ABI3BP: variants seen among roughly 807,000 people sequenced by gnomAD.
ABI3BP encodes target of Nesh-SH3.
In ABI3BP, 216 loss-of-function variants were observed where a neutral mutation model predicts 268.6. That is an observed-to-expected ratio of 0.80 (90% CI 0.72 to 0.90). The LOEUF (loss-of-function observed/expected upper bound fraction) is 0.90. ABI3BP is among the 40% of genes least tolerant of loss of function. The pLI, the probability that ABI3BP is intolerant of heterozygous loss-of-function variation, is 0.00. For synonymous variants in ABI3BP, 730 were observed against 730.0 expected (o/e 1.00, Z 0.00); for missense variants, 2,090 against 2,182.4 (o/e 0.96, Z 0.84).
intron 63 of ABI3BP, among the ~76,000 whole-genome samples, chr3:100,763,629 C>A (rs1464104321): frequency 1.3e-5 from 2 of 152,104 alleles, no homozygotes; most frequent in Non-Finnish European, 2.9e-5. Flanking sequence ...GAGGGCCATA[C>A]TGTCTTTCAG....
intron 43 of ABI3BP, 167 bp from the exon 44 acceptor site, chr3:100,816,138 G>C (rs187368047): frequency 3.6e-6 from 2 of 553,230 alleles, no homozygotes; most frequent in African/African-American, 3.8e-5. Flanking sequence ...ACACTAGCTA[G>C]AACAATTCAT....
intron 9 of ABI3BP, among the ~76,000 whole-genome samples, chr3:100,872,748 C>T (rs894240166): frequency 6.6e-6 from 1 of 152,112 alleles, no homozygotes; most frequent in Non-Finnish European, 1.5e-5. Context: ...GGCAGCATCA[C>T]ATTTACATGA....
intron 4 of ABI3BP, among the ~76,000 whole-genome samples, chr3:100,896,826 A>G (rs2047938070): frequency 6.6e-6 from 1 of 152,194 alleles, no homozygotes; most frequent in Non-Finnish European, 1.5e-5. Context: ...AAAGTATTTC[A>G]GATTCTTTGA....
intron 46 of ABI3BP, among the ~76,000 whole-genome samples, chr3:100,812,126 T>C (rs1190730986): frequency 6.6e-6 from 1 of 151,732 alleles, no homozygotes; most frequent in East Asian, 1.9e-4. Flanking sequence ...GAAACACACA[T>C]AGAATGAGTA....
intron 57 of ABI3BP, among the ~76,000 whole-genome samples, chr3:100,786,903 T>G (rs1030530994): frequency 6.6e-6 from 1 of 152,130 alleles, no homozygotes; most frequent in South Asian, 2.1e-4. Context: ...AGCACATTCT[T>G]AAAGCTAAAT....
At chr3:100,869,292 T>C (rs1344074468) in intron 9 of ABI3BP, among the ~76,000 whole-genome samples, 1 of 149,868 alleles carries the variant, frequency 6.7e-6, no homozygotes, top group East Asian at 2.0e-4. Flanking sequence ...TATTACTAAC[T>C]CATTTTACAG....
At chr3:100,852,732 C>T (rs758933839) in intron 14 of ABI3BP, among the ~76,000 whole-genome samples, 40 of 152,212 alleles carry the variant, frequency 2.6e-4, no homozygotes, top group African/African-American at 9.2e-4. Flanking sequence ...GAGCCTTTCT[C>T]GAGTTTGGGC....
chr3:100,911,776 T>C, intron 2 of ABI3BP: 5 of 1,098,980 alleles, frequency 4.5e-6, no homozygotes, highest in South Asian at 1.2e-5. Context: ...TCTGTTATTA[T>C]ACTTGGTGTT....
At chr3:100,969,692 T>C (rs952922248) in intron 1 of ABI3BP, among the ~76,000 whole-genome samples, 1 of 151,230 alleles carries the variant, frequency 6.6e-6, no homozygotes, top group African/African-American at 2.5e-5. Flanking sequence ...AAAAATCATG[T>C]TTTTTTGAAA....
At chr3:100,992,268 C>T (rs971124658) in intron 1 of ABI3BP, among the ~76,000 whole-genome samples, 3 of 152,140 alleles carry the variant, frequency 2.0e-5, no homozygotes, top group South Asian at 2.1e-4. Context: ...CTTTACCCAC[C>T]GAGGAAAGAA....
At chr3:100,894,867 A>T (rs2046522857) in intron 4 of ABI3BP, among the ~76,000 whole-genome samples, 1 of 141,452 alleles carries the variant, frequency 7.1e-6, no homozygotes, top group South Asian at 2.5e-4. Context: ...TGAACCCGGC[A>T]GGCGGAGCTT....
At chr3:100,821,239 C>T in intron 38 of ABI3BP, 126 bp from the exon 39 acceptor site, 1 of 771,492 alleles carries the variant, frequency 1.3e-6, no homozygotes, top group Non-Finnish European at 2.0e-6. Flanking sequence ...CCTTTAAAAA[C>T]TGTTAAAACT....
chr3:100,835,597 T>C lies in ABI3BP; in HGVS notation c.2191+4A>G, dbSNP rs778378298. 5.9e-6 allele frequency: 9 copies of C among 1,532,754 alleles called. No homozygotes were observed. In the Admixed American group the frequency reaches 1.8e-4, roughly 30 times the overall value. The allele number at this position is 1,532,754 out of a possible 1,614,324, so 94.9% of individuals were successfully genotyped here. On this transcript the variant is annotated splice_donor_region_variant and intron_variant, in intron 28 of 67. Transcript: ENST00000471714. ...TCATACTTAAAGACATAAGAGGTCA[T>C]TACCTAATGTTGTCACTGTAGCCTC...
chr3:100,915,265 G>A (rs1190764823), intron 2 of ABI3BP, among the ~76,000 whole-genome samples: 1 of 152,018 alleles, frequency 6.6e-6, no homozygotes, highest in Non-Finnish European at 1.5e-5. Flanking sequence ...CTTCCCTGCA[G>A]GTCTGCCATC....
chr3:100,867,098 T>G, intron 9 of ABI3BP, 142 bp from the exon 10 acceptor site: 8 of 622,962 alleles, frequency 1.3e-5, no homozygotes, highest in Non-Finnish European at 2.3e-5. Context: ...TGTGTATCTC[T>G]AGCAGGAACT....
chr3:100,812,811 T>C (rs757072920), intron 45 of ABI3BP, among the ~76,000 whole-genome samples: 3 of 152,130 alleles, frequency 2.0e-5, no homozygotes. Context: ...AAGAAAAATA[T>C]AGGATCCAGT....
At chr3:100,885,498 T>A in intron 6 of ABI3BP, 38 bp downstream of exon 6, 1 of 1,324,804 alleles carries the variant, frequency 7.5e-7, no homozygotes, top group Non-Finnish European at 1.0e-6. Flanking sequence ...GCAGATACAA[T>A]TTTTTAAAAA....
chr3:100,840,886 A>G (rs978421437), intron 21 of ABI3BP, 28 bp from the exon 22 acceptor site: 2 of 1,524,290 alleles, frequency 1.3e-6, no homozygotes, highest in African/African-American at 2.8e-5. Context: ...AATCACCAAG[A>G]AAGAATCAAG....
At chr3:100,984,896 G>A (rs1312774820) in intron 1 of ABI3BP, among the ~76,000 whole-genome samples, 3 of 152,120 alleles carry the variant, frequency 2.0e-5, no homozygotes, top group Non-Finnish European at 2.9e-5. Flanking sequence ...CAGTCTATGA[G>A]AGTCTGAGTG....
Sources: allele counts gnomAD v4.1 joint callset (sites outside exome capture counted in the v4.1 genomes callset), GRCh38; gene constraint gnomAD v4.1.1; transcripts MANE v1.5; gene names NCBI Gene and HGNC (gene_info 2026-07-23, HGNC 2026-07-21).